The following BLTP1 variants were observed in gnomAD, a reference collection of about 807,000 sequenced individuals.
BLTP1 encodes bridge-like lipid transfer protein family member 1.
chr4:122,300,277 T>C, the BLTP1 span, among the ~76,000 whole-genome samples: 1 of 152,198 alleles, frequency 6.6e-6, no homozygotes, highest in Admixed American at 6.6e-5. Flanking sequence ...CCCAAAGTGC[T>C]GGGATTAAGG....
At chr4:122,318,123 T>C in the BLTP1 span, 1 of 1,585,784 alleles carries the variant, frequency 6.3e-7, no homozygotes, top group Non-Finnish European at 8.5e-7. Flanking sequence ...TTTACAATAA[T>C]TGCCATATTT....
At chr4:122,156,496 A>G in the BLTP1 span, among the ~76,000 whole-genome samples, 8 of 152,224 alleles carry the variant, frequency 5.3e-5, no homozygotes, top group Non-Finnish European at 8.8e-5. Context: ...GAGGACAACT[A>G]AAGTATCCAT....
At chr4:122,305,038 A>G in the BLTP1 span, 5 of 1,495,918 alleles carry the variant, frequency 3.3e-6, no homozygotes, top group Non-Finnish European at 3.6e-6. Context: ...TTGCACATCA[A>G]TTTTAACTAC....
At chr4:122,289,010 G>C in the BLTP1 span, 9 of 1,452,310 alleles carry the variant, frequency 6.2e-6, no homozygotes, top group Non-Finnish European at 8.4e-6. Context: ...TTTTTCCTCA[G>C]TTTAGGGTGA....
chr4:122,204,747 T>C, the BLTP1 span: 1 of 525,384 alleles, frequency 1.9e-6, no homozygotes, highest in Non-Finnish European at 2.4e-6. Context: ...TTTTTGGGCA[T>C]TTCCCAAGTG....
chr4:122,192,790 T>G, the BLTP1 span, among the ~76,000 whole-genome samples: 1 of 152,290 alleles, frequency 6.6e-6, no homozygotes, highest in East Asian at 1.9e-4. Flanking sequence ...ACCAAAAGAC[T>G]AATATTAGGT....
the BLTP1 span, among the ~76,000 whole-genome samples, chr4:122,253,455 A>T: frequency 6.6e-6 from 1 of 152,106 alleles, no homozygotes; most frequent in Non-Finnish European, 1.5e-5. Context: ...TTTGACAAAT[A>T]ATTAAAAAGA....
At chr4:122,336,698 T>C in the BLTP1 span, 11 of 950,662 alleles carry the variant, frequency 1.2e-5, no homozygotes, top group Non-Finnish European at 1.4e-5. Flanking sequence ...GCAGGAAAAT[T>C]TGAGTTTGGG....
the BLTP1 span, chr4:122,247,439 T>G: frequency 6.8e-7 from 1 of 1,478,354 alleles, no homozygotes; most frequent in Non-Finnish European, 9.4e-7. Flanking sequence ...GTTTTTTTCC[T>G]TTGACTATTG....
At chr4:122,214,446 CT>C in the BLTP1 span, 1 of 964,780 alleles carries the variant, frequency 1.0e-6, no homozygotes, top group Non-Finnish European at 1.2e-6. Context: ...ATAGTTTAAG[CT>C]TACATGCCAT....
the BLTP1 span, chr4:122,194,693 G>A: frequency 5.8e-6 from 5 of 863,112 alleles, no homozygotes; most frequent in Non-Finnish European, 7.0e-6. Context: ...CTTAAATAAA[G>A]TGTGATTCTT....
chr4:122,188,523 T>A, the BLTP1 span, among the ~76,000 whole-genome samples: 23 of 152,122 alleles, frequency 1.5e-4, no homozygotes, highest in Non-Finnish European at 2.9e-5. Context: ...CTTGGAAAAT[T>A]TGGTGAAGTT....
At chr4:122,221,829 T>C in the BLTP1 span, 1 of 984,534 alleles carries the variant, frequency 1.0e-6, no homozygotes, top group Non-Finnish European at 1.2e-6. Flanking sequence ...CTTCTATGGA[T>C]GAGTTCTGAG....
At chr4:122,229,965 ACAAT>A in the BLTP1 span, 1 of 1,613,976 alleles carries the variant, frequency 6.2e-7, no homozygotes, top group Non-Finnish European at 8.5e-7. Context: ...TGTAATCTCC[ACAAT>A]CAATCGGTTG....
the BLTP1 span, chr4:122,262,784 T>G: frequency 6.2e-7 from 1 of 1,605,250 alleles, no homozygotes; most frequent in Admixed American, 1.7e-5. Flanking sequence ...CATATCATTC[T>G]CTGAGCTATA....
At chr4:122,181,871 T>C in the BLTP1 span, among the ~76,000 whole-genome samples, 4 of 152,242 alleles carry the variant, frequency 2.6e-5, no homozygotes, top group East Asian at 7.7e-4. Context: ...ACCAATGTTG[T>C]GCTCCTCTTG....
chr4:122,255,323 A>C, the BLTP1 span: 107 of 1,392,524 alleles, frequency 7.7e-5, no homozygotes, highest in Non-Finnish European at 1.0e-4. Flanking sequence ...GGAATTCTCT[A>C]TTCTGTTGGT....
the BLTP1 span, among the ~76,000 whole-genome samples, chr4:122,194,915 G>GAA: frequency 3.4e-5 from 5 of 145,104 alleles, no homozygotes; most frequent in African/African-American, 1.3e-4. Flanking sequence ...ATTTAAAAAA[G>GAA]AAAAAAAAAA....
At chr4:122,228,024 T>C in the BLTP1 span, among the ~76,000 whole-genome samples, 1 of 151,682 alleles carries the variant, frequency 6.6e-6, no homozygotes, top group African/African-American at 2.4e-5. Flanking sequence ...TGCCACTCTC[T>C]TGCCTCAGCC....
Sources: gnomAD v4.1 joint callset for allele counts (sites outside exome capture counted in the v4.1 genomes callset) on GRCh38, gnomAD v4.1.1 for gene constraint, MANE v1.5 for transcripts, NCBI Gene and HGNC (gene_info 2026-07-23, HGNC 2026-07-21) for gene names.